Variants in CNTN4 observed in about 807,000 individuals in gnomAD.
CNTN4 encodes contactin 4, also known as contactin-4.
CNTN4 carries 77 observed loss-of-function variants against 122.5 expected under a neutral mutation model. That is an observed-to-expected ratio of 0.63 (90% CI 0.52 to 0.76). The LOEUF (loss-of-function observed/expected upper bound fraction) is 0.76. Among genes scored for constraint, CNTN4 ranks in the 30% least tolerant of loss-of-function variants. The probability of loss-of-function intolerance (pLI) is 0.00; values close to 1 mark genes in which losing one functional copy is unlikely to be tolerated. For synonymous variants in CNTN4, 512 were observed against 447.0 expected (o/e 1.15, Z -1.83); for missense variants, 1,256 against 1,259.1 (o/e 1.00, Z 0.04).
chr3:2,649,580 A>T (rs2083275652), intron 4 of CNTN4, among the ~76,000 whole-genome samples: 1 of 152,138 alleles, frequency 6.6e-6, no homozygotes, highest in Non-Finnish European at 1.5e-5. Context: ...TCAAAATATT[A>T]CTTGTGTTTG....
intron 3 of CNTN4, among the ~76,000 whole-genome samples, chr3:2,447,256 G>GT (rs2048660741): frequency 6.6e-6 from 1 of 152,124 alleles, no homozygotes; most frequent in South Asian, 2.1e-4. Flanking sequence ...TGCCATGAAT[G>GT]TAACAGATTC....
intron 3 of CNTN4, among the ~76,000 whole-genome samples, chr3:2,404,625 G>A (rs1320752281): frequency 6.6e-6 from 1 of 152,136 alleles, no homozygotes; most frequent in Admixed American, 6.5e-5. Context: ...TGGGCCAACT[G>A]ATTATCTAGG....
chr3:2,637,660 ATTACTGC>A lies in CNTN4; in HGVS notation c.55+66103_55+66109del, dbSNP rs1399830784. On this transcript the variant is annotated intron_variant, in intron 4 of 24. Transcript: ENST00000418658. The stretch of plus-strand genomic sequence containing the variant: ...GGGATTTGAATTCATCCTCTTGATT[ATTACTGC>A]CCTGCTTATTCAACTCCTATAAATC... 2.6e-5 allele frequency among the ~76,000 whole-genome samples: 4 copies of A among 152,124 alleles called. No individual in the cohort carries two copies. In the East Asian group the frequency reaches 7.7e-4, roughly 29 times the overall value.
chr3:2,346,708 T>G (rs566837270), intron 3 of CNTN4, among the ~76,000 whole-genome samples: 2 of 152,200 alleles, frequency 1.3e-5, no homozygotes, highest in Non-Finnish European at 2.9e-5. Flanking sequence ...TTAGTCAAAT[T>G]GATATGCTTA....
At chr3:2,353,831 G>A (rs1042427753) in intron 3 of CNTN4, among the ~76,000 whole-genome samples, 10 of 152,004 alleles carry the variant, frequency 6.6e-5, no homozygotes, top group East Asian at 1.9e-4. Flanking sequence ...CCCGGGAGGC[G>A]GAGCTTGCAG....
intron 12 of CNTN4, among the ~76,000 whole-genome samples, chr3:2,913,291 A>G (rs1577247214): frequency 6.6e-6 from 1 of 152,256 alleles, no homozygotes; most frequent in Admixed American, 6.5e-5. Context: ...CAAAATGGCA[A>G]TTGTAAGCCC....
chr3:2,113,468 G>C (rs1351074254), intron 2 of CNTN4, among the ~76,000 whole-genome samples: 1 of 152,184 alleles, frequency 6.6e-6, no homozygotes, highest in Non-Finnish European at 1.5e-5. Context: ...CAGATGCACT[G>C]TATCAGAATT....
chr3:2,388,991 C>G (rs145742796), intron 3 of CNTN4, among the ~76,000 whole-genome samples: 1,891 of 151,840 alleles, frequency 0.012, 46 homozygotes, highest in African/African-American at 0.043. Flanking sequence ...AACCCTGTCT[C>G]TGCTAAAAAT....
At chr3:2,309,738 G>A (rs1447977933) in intron 2 of CNTN4, among the ~76,000 whole-genome samples, 1 of 152,064 alleles carries the variant, frequency 6.6e-6, no homozygotes, top group African/African-American at 2.4e-5. Flanking sequence ...ACAACTAATA[G>A]AGTTTTTAAA....
At chr3:3,039,235 G>A in intron 19 of CNTN4, 1 of 511,312 alleles carries the variant, frequency 2.0e-6, no homozygotes, top group Non-Finnish European at 3.5e-6. Flanking sequence ...CAATTATGAA[G>A]GGAAGACAAC....
chr3:2,770,189 C>G (rs1438183959), intron 6 of CNTN4, among the ~76,000 whole-genome samples: 1 of 152,050 alleles, frequency 6.6e-6, no homozygotes, highest in Non-Finnish European at 1.5e-5. Context: ...GTCATCATGC[C>G]CGGCTAACGT....
intron 2 of CNTN4, among the ~76,000 whole-genome samples, chr3:2,202,672 A>C (rs2038153188): frequency 6.6e-6 from 1 of 152,112 alleles, no homozygotes. Context: ...TAAGTTTCAG[A>C]GAAGCTTAGT....
At chr3:2,691,384 G>T (rs560093277) in intron 4 of CNTN4, among the ~76,000 whole-genome samples, 15 of 152,140 alleles carry the variant, frequency 9.9e-5, no homozygotes, top group Non-Finnish European at 2.1e-4. Flanking sequence ...TGTGGTGGTG[G>T]TTCTGAAGAA....
chr3:2,259,062 G>A (rs1029490083), intron 2 of CNTN4, among the ~76,000 whole-genome samples: 1 of 151,898 alleles, frequency 6.6e-6, no homozygotes, highest in African/African-American at 2.4e-5. Context: ...AAGCTATATT[G>A]CTCTAGTAGT....
chr3:2,493,527 T>C (rs1231816736), intron 3 of CNTN4, among the ~76,000 whole-genome samples: 1 of 150,680 alleles, frequency 6.6e-6, no homozygotes, highest in African/African-American at 2.4e-5. Flanking sequence ...AGAAATCTTA[T>C]TTTTAGAATA....
intron 4 of CNTN4, among the ~76,000 whole-genome samples, chr3:2,628,436 A>G (rs2082292688): frequency 6.6e-6 from 1 of 152,196 alleles, no homozygotes; most frequent in Non-Finnish European, 1.5e-5. Flanking sequence ...ACCTTGGGCA[A>G]GAGAAAAGTC....
intron 4 of CNTN4, among the ~76,000 whole-genome samples, chr3:2,722,097 T>G (rs1167650487): frequency 1.3e-5 from 2 of 152,204 alleles, no homozygotes; most frequent in African/African-American, 4.8e-5. Flanking sequence ...GTTACCCAGT[T>G]TATGTTATTT....
intron 4 of CNTN4, among the ~76,000 whole-genome samples, chr3:2,688,622 A>G (rs2085562845): frequency 6.6e-6 from 1 of 152,216 alleles, no homozygotes; most frequent in South Asian, 2.1e-4. Context: ...ATATCAGTGC[A>G]GACAGCTTGA....
intron 2 of CNTN4, among the ~76,000 whole-genome samples, chr3:2,260,354 T>G (rs1215864197): frequency 6.6e-6 from 1 of 152,124 alleles, no homozygotes; most frequent in African/African-American, 2.4e-5. Flanking sequence ...ATTTTTTTTT[T>G]GGCTTCCAGG....
Sources: allele counts gnomAD v4.1 joint callset (sites outside exome capture counted in the v4.1 genomes callset), GRCh38; gene constraint gnomAD v4.1.1; transcripts MANE v1.5; gene names NCBI Gene and HGNC (gene_info 2026-07-23, HGNC 2026-07-21).